The following KCNQ3 variants were observed in gnomAD, a reference collection of about 807,000 sequenced individuals.
The protein encoded by KCNQ3 is potassium voltage-gated channel subfamily Q member 3.
Under a neutral mutation model 92.5 loss-of-function variants are expected in KCNQ3, and 30 were observed. That is an observed-to-expected ratio of 0.32 (90% CI 0.24 to 0.44). The LOEUF (loss-of-function observed/expected upper bound fraction) is 0.44. Ranked by LOEUF, KCNQ3 falls within the 20% of genes least tolerant of loss-of-function variation. The pLI is 1.00. For synonymous variants in KCNQ3, 450 were observed against 468.8 expected (o/e 0.96, Z 0.52); for missense variants, 913 against 1,140.3 (o/e 0.80, Z 2.87).
intron 1 of KCNQ3, among the ~76,000 whole-genome samples, chr8:132,296,797 C>T (rs1043314589): frequency 5.7e-4 from 87 of 151,614 alleles, no homozygotes; most frequent in African/African-American, 2.1e-3. Flanking sequence ...CATTGTTGGA[C>T]ATTTGGGTTG....
chr8:132,248,183 T>C (rs1297814473), intron 1 of KCNQ3, among the ~76,000 whole-genome samples: 1 of 152,096 alleles, frequency 6.6e-6, no homozygotes, highest in Non-Finnish European at 1.5e-5. Context: ...AGCTCTCTCT[T>C]GGGTTTCTGA....
chr8:132,387,229 G>A (rs1197850498), intron 1 of KCNQ3, among the ~76,000 whole-genome samples: 4 of 152,158 alleles, frequency 2.6e-5, no homozygotes, highest in Non-Finnish European at 5.9e-5. Flanking sequence ...TAGGGCTCAT[G>A]CCAAGAACAC....
chr8:132,309,898 T>C (rs993301887), intron 1 of KCNQ3, among the ~76,000 whole-genome samples: 3 of 152,254 alleles, frequency 2.0e-5, no homozygotes, highest in African/African-American at 7.2e-5. Context: ...GTTGGTCAGA[T>C]ACCCCGTCAC....
chr8:132,455,068 T>C (rs182746119), intron 1 of KCNQ3, among the ~76,000 whole-genome samples: 92 of 152,226 alleles, frequency 6.0e-4, no homozygotes, highest in Admixed American at 1.2e-3. Flanking sequence ...TAGTTTACAA[T>C]ATGAAAAAAA....
chr8:132,163,689 G>A (rs983715279), intron 8 of KCNQ3, among the ~76,000 whole-genome samples, 195 bp from the exon 9 acceptor site: 13 of 152,178 alleles, frequency 8.5e-5, no homozygotes, highest in Non-Finnish European at 1.5e-4. Flanking sequence ...TGCTACTCCC[G>A]TTGGCTCTGA....
intron 1 of KCNQ3, among the ~76,000 whole-genome samples, chr8:132,264,536 G>A (rs1815916344): frequency 6.6e-6 from 1 of 152,214 alleles, no homozygotes; most frequent in Non-Finnish European, 1.5e-5. Context: ...GACAGACAGT[G>A]GCCTCCAGGC....
At chr8:132,370,696 A>G (rs1819450637) in intron 1 of KCNQ3, among the ~76,000 whole-genome samples, 1 of 152,232 alleles carries the variant, frequency 6.6e-6, no homozygotes, top group Non-Finnish European at 1.5e-5. Context: ...TGGGGAGCAG[A>G]GCCCATAGCG....
chr8:132,138,895 C>A (rs912712589), intron 11 of KCNQ3, among the ~76,000 whole-genome samples: 8 of 152,204 alleles, frequency 5.3e-5, no homozygotes, highest in African/African-American at 1.9e-4. Context: ...TCCTTCCCAT[C>A]TTTGTGCCAC....
At position 132,391,958 on chromosome 8, in the gene KCNQ3, A is replaced by G. The variant is rs567623088; in HGVS notation, c.386+88189T>C. On this transcript the variant is annotated intron_variant, in intron 1 of 14. Coordinates refer to ENST00000388996, the MANE Select transcript of KCNQ3 (RefSeq NM_004519.4). ...AATCCATCCTAAAGCCTCACCGAAT[A>G]TACACTCTGACACTGTGTGTCTGCA... 6.6e-5 allele frequency among the ~76,000 whole-genome samples: 10 copies of G among 152,144 alleles called. No individual in the cohort carries two copies. In the East Asian group the frequency reaches 1.7e-3, roughly 27 times the overall value.
At chr8:132,213,765 G>T (rs1813940567) in intron 1 of KCNQ3, among the ~76,000 whole-genome samples, 1 of 152,198 alleles carries the variant, frequency 6.6e-6, no homozygotes, top group African/African-American at 2.4e-5. Context: ...CAGTAACAAA[G>T]ACCCCAAGTC....
intron 1 of KCNQ3, among the ~76,000 whole-genome samples, chr8:132,418,467 T>C (rs1475515053): frequency 6.6e-6 from 1 of 152,142 alleles, no homozygotes; most frequent in Non-Finnish European, 1.5e-5. Flanking sequence ...CCCACTCGGG[T>C]TTCACCCTCC....
chr8:132,447,986 G>C (rs964984239), intron 1 of KCNQ3, among the ~76,000 whole-genome samples: 1 of 152,094 alleles, frequency 6.6e-6, no homozygotes. Context: ...TTTTCCTTTA[G>C]CTGCACTTAC....
chr8:132,411,407 G>T (rs16904682), intron 1 of KCNQ3, among the ~76,000 whole-genome samples: 21,863 of 152,008 alleles, frequency 0.14, 1,715 homozygotes, highest in African/African-American at 0.19. Context: ...GACTAGAGAT[G>T]CAATATGGCT....
chr8:132,269,399 G>C (rs1241219113), intron 1 of KCNQ3, among the ~76,000 whole-genome samples: 1 of 152,120 alleles, frequency 6.6e-6, no homozygotes, highest in African/African-American at 2.4e-5. Flanking sequence ...TCTGTGTCTA[G>C]ATTCTACTTA....
intron 1 of KCNQ3, among the ~76,000 whole-genome samples, chr8:132,251,433 T>TGTGGAAGATACTTTAAAATGAA (rs1282868760): frequency 7.9e-5 from 12 of 152,216 alleles, no homozygotes; most frequent in Non-Finnish European, 1.5e-5. Context: ...CTACTCCTCC[T>TGTGGAAGATACTTTAAAATGAA]GATATCATTT....
At chr8:132,235,289 G>A (rs1440572608) in intron 1 of KCNQ3, among the ~76,000 whole-genome samples, 1 of 152,136 alleles carries the variant, frequency 6.6e-6, no homozygotes, top group African/African-American at 2.4e-5. Flanking sequence ...AATCACCTGA[G>A]GTCAGGAGTT....
At chr8:132,151,280 T>C (rs1825628981) in intron 9 of KCNQ3, among the ~76,000 whole-genome samples, 2 of 152,226 alleles carry the variant, frequency 1.3e-5, no homozygotes, top group Admixed American at 1.3e-4. Context: ...CATTATGACA[T>C]GTAATTGAGA....
chr8:132,135,595 C>CA (rs907401235), intron 12 of KCNQ3, among the ~76,000 whole-genome samples: 2 of 152,102 alleles, frequency 1.3e-5, no homozygotes, highest in Non-Finnish European at 2.9e-5. Context: ...TAGTAAGTAG[C>CA]AAAAACTATG....
intron 1 of KCNQ3, among the ~76,000 whole-genome samples, chr8:132,327,916 A>T (rs1195143968): frequency 6.6e-6 from 1 of 151,882 alleles, no homozygotes; most frequent in African/African-American, 2.4e-5. Context: ...ACAGCTCCCC[A>T]CTCACAGAAA....
Sources: gnomAD v4.1 joint callset for allele counts (sites outside exome capture counted in the v4.1 genomes callset) on GRCh38, gnomAD v4.1.1 for gene constraint, MANE v1.5 for transcripts, NCBI Gene and HGNC (gene_info 2026-07-23, HGNC 2026-07-21) for gene names.